PAX1: variants seen among roughly 807,000 people sequenced by gnomAD.
The protein encoded by PAX1 is paired box protein Pax-1.
PAX1 carries 18 observed loss-of-function variants against 35.6 expected under a neutral mutation model. The observed-to-expected ratio is 0.50, with a 90% confidence interval of 0.35 to 0.75. The LOEUF (loss-of-function observed/expected upper bound fraction) is 0.75. Ranked by LOEUF, PAX1 falls within the 30% of genes least tolerant of loss-of-function variation. The pLI is 0.01. For missense variants in PAX1, 760 were observed against 661.5 expected (o/e 1.15, Z -1.63); for synonymous variants, 397 against 305.2 (o/e 1.30, Z -3.14).
In PAX1 at chr20:21,705,987, C is replaced by T. The variant is rs1489682624; in HGVS notation, c.275C>T (p.Pro92Leu). Residue 92 changes from proline (P) to leucine (L), a missense_variant, in exon 1 of 5, where the codon CCG becomes CTG. Around this residue, in one of 3 missense-constraint regions of PAX1, gnomAD observed 222 missense variants for 153.0 expected, o/e 1.45. Transcript: ENST00000613128. ...CCCGGCGCCAGGCAGCTGGCCGGCCCGCTCGCTATGGGTAAGGGGCGGGCG... is the reference window on the plus strand; with the variant it reads ...CCCGGCGCCAGGCAGCTGGCCGGCCTGCTCGCTATGGGTAAGGGGCGGGCG... Reference protein sequence around the residue: ...GHPGARQLAGPLAMEQTYGEV... With the variant: ...GHPGARQLAGLLAMEQTYGEV... 31 of 1,479,436 alleles carry T rather than the reference C, an allele frequency of 2.1e-5. No individual in the cohort carries two copies. Among genetic ancestry groups the T allele is most frequent in the Non-Finnish European group, 2.5e-5 (28 of 1,123,764 alleles). 91.6% of individuals were successfully genotyped at this position (1,479,436 alleles called of 1,614,324 possible). A position where few individuals can be genotyped will look rare whatever the true frequency, so the allele number is the denominator to read the frequency against.
Position 21,714,597 on chromosome 20 carries a change from C to T in PAX1, c.*35C>T. The T allele has an allele frequency of 6.4e-7, 1 of 1,560,358 alleles. No homozygotes were observed. On this transcript the variant is annotated 3_prime_UTR_variant, in exon 5 of 5. Transcript: ENST00000613128. ...TCCCCGGACCCGAGCCCGGAGGGAA[C>T]GGCAGGCGGACCCGGGCGCACAGGT...
At chr20:21,708,155 C>G in intron 2 of PAX1, 1 of 323,300 alleles carries the variant, frequency 3.1e-6, no homozygotes, top group South Asian at 3.0e-5. Flanking sequence ...CTCGTAGAAT[C>G]GTCTCCCTGC....
intron 2 of PAX1, among the ~76,000 whole-genome samples, chr20:21,707,982 G>A (rs1985070692): frequency 6.6e-6 from 1 of 152,292 alleles, no homozygotes; most frequent in East Asian, 1.9e-4. Flanking sequence ...AATGGCAGGG[G>A]TCTGGAGGTG....
chr20:21,708,414 G>A, intron 2 of PAX1, 144 bp from the exon 3 acceptor site: 1 of 927,082 alleles, frequency 1.1e-6, no homozygotes, highest in Non-Finnish European at 1.8e-6. Context: ...TCCAGTCCCT[G>A]CCGCCTCCTG....
intron 4 of PAX1, among the ~76,000 whole-genome samples, chr20:21,714,183 C>A (rs1203306069): frequency 6.6e-6 from 1 of 152,178 alleles, no homozygotes; most frequent in Non-Finnish European, 1.5e-5. Context: ...GGGGGTTGGA[C>A]GGCAACGGGA....
Position 21,715,884 on chromosome 20 carries a change from A to G in PAX1, c.*1322A>G, listed in dbSNP as rs1985354660. 6.6e-6 allele frequency: 1 copy of G among 152,354 alleles called. No individual in the cohort carries two copies. The highest frequency in any genetic ancestry group is 2.4e-5 in the African/African-American group (1 of 41,456). 9.4% of individuals were successfully genotyped at this position (152,354 alleles called of 1,614,324 possible). A position where few individuals can be genotyped will look rare whatever the true frequency, so the allele number is the denominator to read the frequency against. On this transcript the variant is annotated 3_prime_UTR_variant, in exon 5 of 5. Coordinates refer to ENST00000613128, the MANE Select transcript of PAX1 (RefSeq NM_001257096.2). ...GCGAGCTGGTGGTGGTACCCTGGAC[A>G]TAATGCAATTCTGTAGTCAGAGCAA...
intron 2 of PAX1, 138 bp from the exon 3 acceptor site, chr20:21,708,420 T>G: frequency 1.0e-6 from 1 of 964,922 alleles, no homozygotes; most frequent in Non-Finnish European, 1.7e-6. Context: ...CCCTGCCGCC[T>G]CCTGGTGGAG....
At position 21,709,333 on chromosome 20, in the gene PAX1, C is replaced by T. The variant is rs1985121403; in HGVS notation, c.1171C>T (p.Pro391Ser). 6.3e-7 allele frequency: 1 copy of T among 1,598,446 alleles called. No homozygotes were observed. Among genetic ancestry groups the T allele is most frequent in the Admixed American group, 1.7e-5 (1 of 59,478 alleles). The change falls in exon 4 of 5, where the codon CCG becomes TCG. Residue 391 changes from proline to serine, a missense_variant. By Grantham distance (74) the Pro-to-Ser change is moderately conservative (BLOSUM62 -1). Transcript: ENST00000613128. ...GGGCGGCGGCTACCTCGCCCCGGGC[C>T]CGCCGTGGCCGCCTGCGCAAGGTCC... ...APGGGYLAPG[P>S]PWPPAQGPPL...
At chr20:21,709,190 C>T in intron 3 of PAX1, 32 bp from the exon 4 acceptor site, 1 of 1,533,422 alleles carries the variant, frequency 6.5e-7, no homozygotes, top group Non-Finnish European at 9.0e-7. Context: ...GCAGGATTTT[C>T]TGCTGCTGAC....
At position 21,705,924 on chromosome 20, in the gene PAX1, C is replaced by G. The variant is rs919725010; in HGVS notation, c.212C>G (p.Pro71Arg). 11 of 1,461,344 alleles carry G rather than the reference C, an allele frequency of 7.5e-6. No individual in the cohort carries two copies. Among genetic ancestry groups the G allele is most frequent in the South Asian group, 6.6e-5 (5 of 75,434 alleles). 90.5% of individuals were successfully genotyped at this position (1,461,344 alleles called of 1,614,324 possible). A position where few individuals can be genotyped will look rare whatever the true frequency, so the allele number is the denominator to read the frequency against. ...GGCGGCGGCGGCGCCCAAGCTCTCC[C>G]GGACTGCGCCGGGCCCAGCCCCGGC... The part of the protein sequence containing the change: ...SRGGGGAQAL[P>R]DCAGPSPGHP... Residue 71 changes from proline to arginine, a missense_variant, in exon 1 of 5, where the codon CCG (proline) becomes CGG (arginine). By Grantham distance (103) the Pro-to-Arg change is moderately radical (BLOSUM62 -2). Around this residue, in one of 3 missense-constraint regions of PAX1, gnomAD observed 222 missense variants for 153.0 expected, o/e 1.45. Coordinates refer to ENST00000613128, the MANE Select transcript of PAX1 (RefSeq NM_001257096.2).
rs1287887807 is a variant in PAX1 at position 21,717,001 on chromosome 20, T to C, written c.*2439T>C. 1.3e-5 allele frequency: 2 copies of C among 152,188 alleles called. No homozygotes were observed. Among genetic ancestry groups the C allele is most frequent in the African/African-American group, 4.8e-5 (2 of 41,438 alleles). The allele number at this position is 152,188 out of a possible 1,614,324, so 9.4% of individuals were successfully genotyped here. ...TCCCCATTTCCCTGCTATGGCCCAC[T>C]TCTGTGTTTGAGCTGATCAGGGTTA... On this transcript the variant is annotated 3_prime_UTR_variant, in exon 5 of 5. Coordinates refer to ENST00000613128, the MANE Select transcript of PAX1 (RefSeq NM_001257096.2).
At chr20:21,713,758 G>A (rs1159753651) in intron 4 of PAX1, among the ~76,000 whole-genome samples, 6 of 152,212 alleles carry the variant, frequency 3.9e-5, no homozygotes, top group Admixed American at 6.5e-5. Context: ...GCAGAATACT[G>A]CCCGATCTGG....
chr20:21,714,332 C>A, intron 4 of PAX1, 139 bp from the exon 5 acceptor site: 1 of 634,172 alleles, frequency 1.6e-6, no homozygotes, highest in Non-Finnish European at 2.7e-6. Flanking sequence ...CTGGAGAGCG[C>A]GAGTCTCTGC....
At chr20:21,708,461 C>T (rs1429792767) in intron 2 of PAX1, 97 bp from the exon 3 acceptor site, 2 of 1,445,130 alleles carry the variant, frequency 1.4e-6, no homozygotes, top group Non-Finnish European at 1.9e-6. Flanking sequence ...TTGTGGGACC[C>T]CTGGCCGTGT....
At chr20:21,709,533 C>T (rs1185176086) in intron 4 of PAX1, 89 bp downstream of exon 4, 2 of 1,047,268 alleles carry the variant, frequency 1.9e-6, no homozygotes, top group Non-Finnish European at 2.7e-6. Flanking sequence ...AAAGGGAGAG[C>T]GGGTGGGGAA....
In PAX1 at chr20:21,713,378, T is replaced by TGTGTGTG. The variant is rs770998874; in HGVS notation, c.1283-1093_1283-1092insGTGTGTG. Among the ~76,000 whole-genome samples, 1,139 of 138,038 alleles carry TGTGTGTG rather than the reference T, an allele frequency of 8.3e-3. 18 individuals carry two copies. Among genetic ancestry groups the TGTGTGTG allele is most frequent in the African/African-American group, 0.024 (851 of 36,034 alleles). The allele number at this position is 138,038 out of a possible 152,430, so 90.6% of individuals were successfully genotyped here. A position where few individuals can be genotyped will look rare whatever the true frequency, so the allele number is the denominator to read the frequency against. Reference sequence around the variant, plus strand: ...TCAACGAAACCGTGTGTTTTCTTTTTTTTTTGTGTGTGTGTGTGTGTGTGT... The same window carrying TGTGTGTG: ...TCAACGAAACCGTGTGTTTTCTTTTTGTGTGTGTTTTTGTGTGTGTGTGTGTGTGTGT... On this transcript the variant is annotated intron_variant, in intron 4 of 4. Transcript: ENST00000613128.
In PAX1 at chr20:21,717,387, A is replaced by T. The variant is rs1985407236; in HGVS notation, c.*2825A>T. 6.6e-6 allele frequency: 1 copy of T among 152,318 alleles called. No individual in the cohort carries two copies. The highest frequency in any genetic ancestry group is 2.4e-5 in the African/African-American group (1 of 41,468). 9.4% of individuals were successfully genotyped at this position (152,318 alleles called of 1,614,324 possible). On this transcript the variant is annotated 3_prime_UTR_variant, in exon 5 of 5. Transcript: ENST00000613128. ...TGTGAAATGTAGCCTTCAATGCAGT[A>T]ACGCGCACGGTGACCTGGCCTGTAG...
chr20:21,712,817 C>T (rs930825322), intron 4 of PAX1, among the ~76,000 whole-genome samples: 3 of 152,184 alleles, frequency 2.0e-5, no homozygotes. Flanking sequence ...CTCCGTTTGA[C>T]CCAGCCCCGG....
rs1984954283 is a variant in PAX1, at chr20:21,705,739, G to A, written c.27G>A (p.Ser9=). 1.0e-5 allele frequency: 13 copies of A among 1,249,178 alleles called. No homozygotes were observed. Among genetic ancestry groups the A allele is most frequent in the Non-Finnish European group, 1.3e-5 (13 of 991,266 alleles). The allele number at this position is 1,249,178 out of a possible 1,614,324, so 77.4% of individuals were successfully genotyped here. The part of the protein sequence containing the change: MKFTLGLG[S]RAWRVSWEGA... ...TGAAGTTCACCCTGGGCCTGGGGTC[G>A]CGGGCGTGGAGAGTGTCCTGGGAGG... The change falls in exon 1 of 5, where the codon TCG becomes TCA. Residue 9 remains serine (S), a synonymous_variant. Transcript: ENST00000613128.
Sources: allele counts gnomAD v4.1 joint callset (sites outside exome capture counted in the v4.1 genomes callset), GRCh38; gene constraint gnomAD v4.1.1; regional missense constraint gnomAD v4.1.1; transcripts MANE v1.5; gene names NCBI Gene and HGNC (gene_info 2026-07-23, HGNC 2026-07-21).